Variants in MTM1 observed in about 807,000 individuals in gnomAD.
MTM1 encodes the protein myotubularin 1.
A neutral mutation model predicts 52.1 loss-of-function variants in MTM1; 9 were observed. That is an observed-to-expected ratio of 0.17 (90% CI 0.10 to 0.30). MTM1 has a LOEUF of 0.30. Among genes scored for constraint, MTM1 ranks in the 10% least tolerant of loss-of-function variants. MTM1 has a pLI of 1.00. For missense variants in MTM1, 277 were observed against 470.7 expected (o/e 0.59, Z 3.81); for synonymous variants, 136 against 163.8 (o/e 0.83, Z 1.29).
intron 1 of MTM1, among the ~76,000 whole-genome samples, chrX:150,577,102 A>T (rs781860021): frequency 8.9e-6 from 1 of 112,230 alleles, no homozygotes; most frequent in East Asian, 2.8e-4. Context: ...CACTTAGCAT[A>T]CTGCTTTTTA....
At position 150,579,663 on chromosome X, in the gene MTM1, AT is replaced by A. The variant is rs1159137929; in HGVS notation, c.-11+11013del. Among the ~76,000 whole-genome samples, 456 of 102,292 alleles carry A rather than the reference AT, an allele frequency of 4.5e-3. 3 individuals carry two copies. Among genetic ancestry groups the A allele is most frequent in the African/African-American group, 0.014 (400 of 28,236 alleles). 88.8% of individuals were successfully genotyped at this position (102,292 alleles called of 115,157 possible). The stretch of plus-strand genomic sequence containing the variant: ...AGGTGCATGCCCCCATGCCCAGCTA[AT>A]TTTTTTTTTTTATGTTTTGTAGAGA... On this transcript the variant is annotated intron_variant, in intron 1 of 14. Coordinates refer to ENST00000370396, the MANE Select transcript of MTM1 (RefSeq NM_000252.3).
At chrX:150,640,374 C>A (rs921872410) in intron 7 of MTM1, among the ~76,000 whole-genome samples, 1 of 111,442 alleles carries the variant, frequency 9.0e-6, no homozygotes, top group African/African-American at 3.3e-5. Flanking sequence ...TCTGATGGGA[C>A]TTATAACTGT....
In MTM1 at chrX:150,672,815, A is replaced by G. The variant is rs1158788155; in HGVS notation, c.*1220A>G. On this transcript the variant is annotated 3_prime_UTR_variant, in exon 15 of 15. Coordinates refer to ENST00000370396, the MANE Select transcript of MTM1 (RefSeq NM_000252.3). ...TACAATGATTTGTAAAGGACTATTT[A>G]TAACTAATATGGTTTTGTTTTCAAT... The G allele has an allele frequency of 6.2e-5, 7 of 112,482 alleles. No individual in the cohort carries two copies. The highest frequency in any genetic ancestry group is 2.8e-4 in the East Asian group (1 of 3,618). The allele number at this position is 112,482 out of a possible 1,213,427, so 9.3% of individuals were successfully genotyped here. A position where few individuals can be genotyped will look rare whatever the true frequency, so the allele number is the denominator to read the frequency against.
intron 1 of MTM1, among the ~76,000 whole-genome samples, chrX:150,584,559 G>A (rs1228205248): frequency 9.0e-6 from 1 of 111,480 alleles, no homozygotes; most frequent in African/African-American, 3.3e-5. Context: ...GGAATACTGA[G>A]TACCCAAACT....
chrX:150,583,884 T>TATATTAA (rs2038720012), intron 1 of MTM1, among the ~76,000 whole-genome samples: 5 of 35,717 alleles, frequency 1.4e-4, no homozygotes, highest in African/African-American at 7.8e-4. Context: ...ATATTAAATA[T>TATATTAA]ATATATATAT....
At chrX:150,632,183 AC>A (rs1465435613) in intron 6 of MTM1, among the ~76,000 whole-genome samples, 35 of 112,014 alleles carry the variant, frequency 3.1e-4, no homozygotes, top group African/African-American at 1.1e-3. Context: ...ACAGTGGTGC[AC>A]AGGATGTCAC....
At chrX:150,655,110 G>A (rs1281779466) in intron 10 of MTM1, among the ~76,000 whole-genome samples, 1 of 110,332 alleles carries the variant, frequency 9.1e-6, no homozygotes, top group Non-Finnish European at 1.9e-5. Flanking sequence ...AGGATCACGA[G>A]GTCAGGAGAT....
intron 5 of MTM1, among the ~76,000 whole-genome samples, chrX:150,618,716 G>A (rs2039427827): frequency 8.9e-6 from 1 of 111,737 alleles, no homozygotes; most frequent in African/African-American, 3.3e-5. Flanking sequence ...CCCAGTGAAA[G>A]TAGATGGATC....
chrX:150,599,270 A>G (rs189039014), intron 4 of MTM1, among the ~76,000 whole-genome samples: 142 of 112,471 alleles, frequency 1.3e-3, no homozygotes, highest in Non-Finnish European at 2.1e-3. Context: ...ATCCCTGACC[A>G]TGAAAGGTTT....
chrX:150,619,064 G>A lies in MTM1; in HGVS notation c.369G>A (p.Leu123=). The A allele has an allele frequency of 1.7e-6, 2 of 1,209,990 alleles. No individual in the cohort carries two copies. Among genetic ancestry groups the A allele is most frequent in the Non-Finnish European group, 2.2e-6 (2 of 894,116 alleles). The change falls in exon 6 of 15, where the codon TTG becomes TTA. Residue 123 remains leucine (L), a synonymous_variant. Coordinates refer to ENST00000370396, the MANE Select transcript of MTM1 (RefSeq NM_000252.3). ...CKDMRNLRFA[L]KQEGHSRRDM... ...ACATGAGAAACCTGAGGTTCGCTTT[G>A]AAACAGGAAGGCCACAGCAGAAGAG...
intron 1 of MTM1, among the ~76,000 whole-genome samples, chrX:150,578,350 G>T (rs2038510047): frequency 8.9e-6 from 1 of 111,822 alleles, no homozygotes; most frequent in Non-Finnish European, 1.9e-5. Context: ...ATTTTCCCCA[G>T]TTGAGCCTCC....
intron 2 of MTM1, among the ~76,000 whole-genome samples, chrX:150,593,096 G>A (rs1371272497): frequency 5.3e-5 from 6 of 112,318 alleles, no homozygotes; most frequent in African/African-American, 1.3e-4. Context: ...CACTTGCCTC[G>A]GCCTCCCAAA....
intron 4 of MTM1, among the ~76,000 whole-genome samples, chrX:150,611,386 T>C (rs782437276): frequency 1.8e-5 from 2 of 112,668 alleles, no homozygotes; most frequent in African/African-American, 6.4e-5. Context: ...TCACCACTGT[T>C]ATCAGCTAGT....
intron 5 of MTM1, among the ~76,000 whole-genome samples, chrX:150,617,390 A>G (rs1450554801): frequency 1.8e-5 from 2 of 112,171 alleles, no homozygotes; most frequent in East Asian, 2.8e-4. Context: ...CTTGTAATGC[A>G]TATCATCCCA....
chrX:150,671,620 A>G lies in MTM1; in HGVS notation c.*25A>G, dbSNP rs781874542. The G allele has an allele frequency of 8.3e-7, 1 of 1,205,404 alleles. No individual in the cohort carries two copies. The highest frequency in any genetic ancestry group is 1.1e-6 in the Non-Finnish European group (1 of 890,515). ...AGGGGGGACCCTGGCACCGCATTAG[A>G]GCTCGAAATAAAGGCGATAGCTGAC... On this transcript the variant is annotated 3_prime_UTR_variant, in exon 15 of 15. Coordinates refer to ENST00000370396, the MANE Select transcript of MTM1 (RefSeq NM_000252.3).
intron 6 of MTM1, among the ~76,000 whole-genome samples, chrX:150,626,001 G>C (rs1421401274): frequency 8.9e-6 from 1 of 112,719 alleles, no homozygotes; most frequent in Non-Finnish European, 1.9e-5. Flanking sequence ...CTTCCAGACA[G>C]CAGCACCTTT....
chrX:150,603,978 A>T (rs781886124), intron 4 of MTM1, among the ~76,000 whole-genome samples: 6 of 111,893 alleles, frequency 5.4e-5, no homozygotes, highest in African/African-American at 2.0e-4. Flanking sequence ...TCAGTAGGAG[A>T]GAGAATCTCA....
At chrX:150,602,722 A>G (rs2039087216) in intron 4 of MTM1, among the ~76,000 whole-genome samples, 1 of 112,204 alleles carries the variant, frequency 8.9e-6, no homozygotes, top group Admixed American at 9.4e-5. Flanking sequence ...GTAATCTGGT[A>G]GACTACCATG....
chrX:150,653,366 T>C lies in MTM1; in HGVS notation c.1053+3465T>C, dbSNP rs782443068. Among the ~76,000 whole-genome samples the C allele has an allele frequency of 7.1e-5, 8 of 111,979 alleles. No homozygotes were observed. The South Asian group carries it at 3.0e-3, about 42-fold the overall frequency. On this transcript the variant is annotated intron_variant, in intron 10 of 14. Transcript: ENST00000370396. ...TCCCCTCTTCTGTCTGTATGAAATC[T>C]CCCTCTGCCTCTCTCTTATCAGGAT...
Sources: allele counts gnomAD v4.1 joint callset (sites outside exome capture counted in the v4.1 genomes callset), GRCh38; gene constraint gnomAD v4.1.1; transcripts MANE v1.5; gene names NCBI Gene and HGNC (gene_info 2026-07-23, HGNC 2026-07-21).